ZNF486: variants seen among roughly 807,000 people sequenced by gnomAD.
ZNF486 encodes the protein zinc finger protein 486, also known as KRAB box only protein 2.
ZNF486 carries 12 observed loss-of-function variants against 12.8 expected under a neutral mutation model. That is an observed-to-expected ratio of 0.94 (90% CI 0.60 to 1.52). The LOEUF (loss-of-function observed/expected upper bound fraction) is 1.52. Among genes scored for constraint, ZNF486 ranks in the 40% most tolerant of loss-of-function variants. The probability of loss-of-function intolerance (pLI) is 0.00; values close to 1 mark genes in which losing one functional copy is unlikely to be tolerated. For missense variants in ZNF486, 738 were observed against 545.0 expected (o/e 1.35, Z -3.53); for synonymous variants, 231 against 184.9 (o/e 1.25, Z -2.02).
At chr19:20,167,532 C>A (rs2089597919) in intron 1 of ZNF486, among the ~76,000 whole-genome samples, 172 bp downstream of exon 1, 1 of 152,200 alleles carries the variant, frequency 6.6e-6, no homozygotes, top group African/African-American at 2.4e-5. Flanking sequence ...GCGCTGACAG[C>A]CGGTCCCGGG....
intron 3 of ZNF486, among the ~76,000 whole-genome samples, chr19:20,187,675 A>T (rs836898): frequency 0.3 from 44,667 of 150,942 alleles, 7,928 homozygotes; most frequent in East Asian, 0.48. Flanking sequence ...CTAATTTTTT[A>T]AAAATTTTTA....
chr19:20,190,969 C>G (rs1261401289), intron 3 of ZNF486, among the ~76,000 whole-genome samples: 1 of 152,132 alleles, frequency 6.6e-6, no homozygotes, highest in Admixed American at 6.5e-5. Context: ...ACTTTACACT[C>G]TATTAATTCA....
chr19:20,174,978 C>G (rs960990342), intron 1 of ZNF486: 3 of 152,130 alleles, frequency 2.0e-5, no homozygotes, highest in Non-Finnish European at 4.4e-5. Context: ...CTAATATATT[C>G]CACTATATGA....
Position 20,198,148 on chromosome 19 carries a change from C to T in ZNF486, c.*46C>T. 4 of 1,482,180 alleles carry T rather than the reference C, an allele frequency of 2.7e-6. No homozygotes were observed. Among genetic ancestry groups the T allele is most frequent in the Non-Finnish European group, 3.6e-6 (4 of 1,111,248 alleles). 91.8% of individuals were successfully genotyped at this position (1,482,180 alleles called of 1,614,324 possible). ...ATTATTTTTTTGAGAGGTAATTCTG[C>T]TGTTGTTTCCCAGGCTGGAGTGCAA... On this transcript the variant is annotated 3_prime_UTR_variant, in exon 4 of 4. Transcript: ENST00000335117.
intron 3 of ZNF486, among the ~76,000 whole-genome samples, chr19:20,186,557 T>C (rs1201802021): frequency 2.0e-5 from 3 of 152,180 alleles, no homozygotes; most frequent in East Asian, 1.9e-4. Context: ...TCTTGAAATA[T>C]AGTTTGAAAT....
At chr19:20,179,221 A>G (rs1325865389) in intron 1 of ZNF486, among the ~76,000 whole-genome samples, 2 of 152,208 alleles carry the variant, frequency 1.3e-5, no homozygotes, top group Non-Finnish European at 2.9e-5. Context: ...TAATGATGCC[A>G]CATTGGACAC....
At chr19:20,174,981 C>T (rs566200128) in intron 1 of ZNF486, 1 of 152,262 alleles carries the variant, frequency 6.6e-6, no homozygotes, top group South Asian at 2.1e-4. Context: ...ATATATTCCA[C>T]TATATGAACA....
chr19:20,167,280 C>T lies in ZNF486; in HGVS notation c.-51C>T. ...CTCTGTGTCCTCTGCTCCTAGAGGC[C>T]CACCCTCTGTGGCCCTGTGTCCTGT... On this transcript the variant is annotated 5_prime_UTR_variant, in exon 1 of 4. Coordinates refer to ENST00000335117, the MANE Select transcript of ZNF486 (RefSeq NM_052852.4). 1 of 1,612,526 alleles carries T rather than the reference C, an allele frequency of 6.2e-7. No individual in the cohort carries two copies. The highest frequency in any genetic ancestry group is 8.5e-7 in the Non-Finnish European group (1 of 1,178,550).
At chr19:20,186,434 C>G (rs2089847152) in intron 3 of ZNF486, among the ~76,000 whole-genome samples, 2 of 152,018 alleles carry the variant, frequency 1.3e-5, no homozygotes, top group Non-Finnish European at 1.5e-5. Context: ...AACTAAAACC[C>G]TTTTTTAAGT....
chr19:20,173,129 G>A (rs2089668216), intron 1 of ZNF486, among the ~76,000 whole-genome samples: 1 of 152,168 alleles, frequency 6.6e-6, no homozygotes, highest in Non-Finnish European at 1.5e-5. Context: ...TCCTCATGAA[G>A]TCTTTGCCAG....
At chr19:20,187,150 G>A (rs1410702978) in intron 3 of ZNF486, among the ~76,000 whole-genome samples, 3 of 151,720 alleles carry the variant, frequency 2.0e-5, no homozygotes, top group African/African-American at 4.8e-5. Flanking sequence ...ATTACTTAAT[G>A]CTATAGTAAA....
intron 1 of ZNF486, among the ~76,000 whole-genome samples, chr19:20,168,187 C>T (rs1465127698): frequency 2.0e-5 from 3 of 151,962 alleles, no homozygotes; most frequent in African/African-American, 7.3e-5. Flanking sequence ...CCGTGAACCC[C>T]GTCTCTACTA....
chr19:20,194,606 T>C (rs1238676132), intron 3 of ZNF486, among the ~76,000 whole-genome samples: 1 of 152,092 alleles, frequency 6.6e-6, no homozygotes, highest in African/African-American at 2.4e-5. Flanking sequence ...CGCACGCCTG[T>C]AATCCCAGCT....
chr19:20,180,295 T>C (rs2089770430), intron 1 of ZNF486, among the ~76,000 whole-genome samples: 1 of 152,196 alleles, frequency 6.6e-6, no homozygotes, highest in Non-Finnish European at 1.5e-5. Flanking sequence ...TCCTGGTACT[T>C]GGATGATAAA....
chr19:20,189,922 T>C (rs1220152879), intron 3 of ZNF486, among the ~76,000 whole-genome samples: 5 of 152,224 alleles, frequency 3.3e-5, no homozygotes, highest in Admixed American at 2.6e-4. Flanking sequence ...CCTGTATTTT[T>C]TCTAATAGAT....
intron 1 of ZNF486, among the ~76,000 whole-genome samples, chr19:20,184,027 T>G (rs1555715955): frequency 6.6e-6 from 1 of 152,192 alleles, no homozygotes; most frequent in Non-Finnish European, 1.5e-5. Flanking sequence ...ACATGTCTTT[T>G]CTGTCTGAAA....
chr19:20,184,519 C>A (rs782446482), intron 2 of ZNF486, 37 bp downstream of exon 2: 2 of 1,534,416 alleles, frequency 1.3e-6, no homozygotes, highest in Non-Finnish European at 8.7e-7. Context: ...ATAAAAAACC[C>A]CAAAAGTTTT....
chr19:20,167,851 T>C (rs1331274623), intron 1 of ZNF486, among the ~76,000 whole-genome samples: 2 of 151,486 alleles, frequency 1.3e-5, no homozygotes, highest in African/African-American at 2.4e-5. Context: ...CTAGGACAAC[T>C]AAATTCCTCT....
At chr19:20,176,728 G>T (rs1349577711) in intron 1 of ZNF486, 5 of 154,548 alleles carry the variant, frequency 3.2e-5, no homozygotes, top group Admixed American at 6.5e-5. Flanking sequence ...GGCAGGCTGA[G>T]GCAGGAGAAT....
Sources: gnomAD v4.1 joint callset for allele counts (sites outside exome capture counted in the v4.1 genomes callset) on GRCh38, gnomAD v4.1.1 for gene constraint, MANE v1.5 for transcripts, NCBI Gene and HGNC (gene_info 2026-07-23, HGNC 2026-07-21) for gene names.